RAP1GAP2: variants seen among roughly 807,000 people sequenced by gnomAD.
RAP1GAP2 encodes the protein RAP1 GTPase activating protein 2.
RAP1GAP2 carries 27 observed loss-of-function variants against 95.0 expected under a neutral mutation model. That is an observed-to-expected ratio of 0.28 (90% CI 0.21 to 0.39). RAP1GAP2 has a LOEUF of 0.39. RAP1GAP2 is among the 10% of genes least tolerant of loss of function. The pLI is 1.00. For synonymous variants in RAP1GAP2, 373 were observed against 380.9 expected, an observed-to-expected ratio of 0.98 and a Z score of 0.24; for missense variants, 771 against 970.0, an observed-to-expected ratio of 0.79 and a Z score of 2.72.
chr17:2,875,893 T>G (rs757170857), intron 2 of RAP1GAP2, among the ~76,000 whole-genome samples: 2 of 151,808 alleles, frequency 1.3e-5, no homozygotes, highest in Non-Finnish European at 2.9e-5. Context: ...TCATCCTTCC[T>G]GTAGCCTTCC....
intron 3 of RAP1GAP2, among the ~76,000 whole-genome samples, chr17:2,922,876 A>G (rs1446715410): frequency 1.5e-5 from 2 of 131,352 alleles, no homozygotes; most frequent in Non-Finnish European, 3.1e-5. Flanking sequence ...GATGTTGCCC[A>G]GGTTGGAGTG....
Position 2,928,138 on chromosome 17 carries a change from C to T in RAP1GAP2, c.165+22770C>T, listed in dbSNP as rs530279473. On this transcript the variant is annotated intron_variant, in intron 3 of 24. Coordinates refer to ENST00000254695, the MANE Select transcript of RAP1GAP2 (RefSeq NM_015085.5). The stretch of plus-strand genomic sequence containing the variant: ...AGGAAGAAAAAAGACTTATGTTAAG[C>T]TTTGCCCAGCTCTGATTTGGACTTG... Among the ~76,000 whole-genome samples the T allele has an allele frequency of 8.3e-4, 127 of 152,324 alleles. 1 individual carries two copies. Among genetic ancestry groups the T allele is most frequent in the Non-Finnish European group, 1.1e-3 (72 of 68,030 alleles).
Position 3,005,340 on chromosome 17 carries a change from G to T in RAP1GAP2, c.1201-29G>T. ...GGGCAGCGCTCGTCTCTTCCCTCCA[G>T]GTCCGTACCATGACTCTGTTTCACT... On this transcript the variant is annotated intron_variant, in intron 14 of 24. Transcript: ENST00000254695. The surrounding 1 kb of genome is among the most constrained non-coding windows in gnomAD (Gnocchi z 5.2). 1 of 1,606,272 alleles carries T rather than the reference G, an allele frequency of 6.2e-7. No individual in the cohort carries two copies. Among genetic ancestry groups the T allele is most frequent in the East Asian group, 2.2e-5 (1 of 44,808 alleles).
chr17:2,838,931 T>C (rs145191802), intron 2 of RAP1GAP2, among the ~76,000 whole-genome samples: 18 of 152,324 alleles, frequency 1.2e-4, no homozygotes, highest in Middle Eastern at 3.4e-3. Flanking sequence ...CGACAGTGTT[T>C]AGCAGACTGT....
At position 3,005,074 on chromosome 17, in the gene RAP1GAP2, C is replaced by T. The variant is rs28433610; in HGVS notation, c.1201-295C>T. ...GAATGAGGTCACGAGATGCCATCTC[C>T]CGGGCACTTGTATGGCATTAAAATT... is the stretch of plus-strand genomic sequence containing the variant. On this transcript the variant is annotated intron_variant, in intron 14 of 24. Transcript: ENST00000254695. The surrounding 1 kb of genome is among the most constrained non-coding windows in gnomAD (Gnocchi z 5.2). Among the ~76,000 whole-genome samples the T allele has an allele frequency of 2.2e-3, 337 of 152,220 alleles. 4 individuals carry two copies. The highest frequency in any genetic ancestry group is 7.7e-3 in the African/African-American group (318 of 41,522).
At position 2,963,594 on chromosome 17, in the gene RAP1GAP2, C is replaced by G; in HGVS notation, c.279+132C>G. On this transcript the variant is annotated intron_variant, in intron 6 of 24. Coordinates refer to ENST00000254695, the MANE Select transcript of RAP1GAP2 (RefSeq NM_015085.5). This position sits in a 1 kb window ranked among gnomAD's most constrained non-coding sequence, Gnocchi z 4.8. ...TTGGGCCTGGGACCTCTCTTCCTGT[C>G]TTTGCCTTTGTAACCTCAGCTTCTC... The G allele has an allele frequency of 1.6e-6, 2 of 1,239,346 alleles. No individual in the cohort carries two copies. Among genetic ancestry groups the G allele is most frequent in the Non-Finnish European group, 2.3e-6 (2 of 859,268 alleles). The allele number at this position is 1,239,346 out of a possible 1,614,324, so 76.8% of individuals were successfully genotyped here. A position where few individuals can be genotyped will look rare whatever the true frequency, so the allele number is the denominator to read the frequency against.
chr17:2,879,226 C>T (rs1478594280), intron 2 of RAP1GAP2, among the ~76,000 whole-genome samples: 1 of 151,866 alleles, frequency 6.6e-6, no homozygotes, highest in Non-Finnish European at 1.5e-5. Flanking sequence ...AGTGATTTTC[C>T]TGCCTCGGCC....
chr17:2,962,370 A>G (rs2044371876), intron 4 of RAP1GAP2: 1 of 406,048 alleles, frequency 2.5e-6, no homozygotes, highest in Non-Finnish European at 4.4e-6. Flanking sequence ...AGATGAGAAC[A>G]TTGAGTCACA....
In RAP1GAP2 at chr17:2,825,853, A is replaced by G. The variant is rs928496399; in HGVS notation, c.80+25303A>G. On this transcript the variant is annotated intron_variant, in intron 2 of 24. Transcript: ENST00000254695. This position sits in a 1 kb window ranked among gnomAD's most constrained non-coding sequence, Gnocchi z 4.1. ...ATCTGCAAAGCATGAGGCAGTGCCAATAGAGATATTCTTCCTGGTGGAATG... is the reference window on the plus strand; with the variant it reads ...ATCTGCAAAGCATGAGGCAGTGCCAGTAGAGATATTCTTCCTGGTGGAATG... Among the ~76,000 whole-genome samples, 2 of 152,120 alleles carry G rather than the reference A, an allele frequency of 1.3e-5. No homozygotes were observed. The highest frequency in any genetic ancestry group is 2.9e-5 in the Non-Finnish European group (2 of 68,024).
At chr17:2,884,106 G>C (rs1319319177) in intron 2 of RAP1GAP2, among the ~76,000 whole-genome samples, 1 of 152,154 alleles carries the variant, frequency 6.6e-6, no homozygotes, top group Non-Finnish European at 1.5e-5. Context: ...GGGATGCATG[G>C]GGCACAGGGT....
intron 2 of RAP1GAP2, among the ~76,000 whole-genome samples, chr17:2,813,979 A>G (rs2069889686): frequency 6.6e-6 from 1 of 152,048 alleles, no homozygotes; most frequent in South Asian, 2.1e-4. Context: ...AAGAAAAAAG[A>G]AAAGAAAAAA....
At chr17:2,890,174 A>C (rs550076667) in intron 2 of RAP1GAP2, among the ~76,000 whole-genome samples, 1 of 152,126 alleles carries the variant, frequency 6.6e-6, no homozygotes, top group East Asian at 1.9e-4. Context: ...TACCACGGTC[A>C]CAAGCAAGAA....
At chr17:2,808,498 A>G (rs1014288353) in intron 2 of RAP1GAP2, among the ~76,000 whole-genome samples, 3 of 152,182 alleles carry the variant, frequency 2.0e-5, no homozygotes, top group Non-Finnish European at 4.4e-5. Context: ...GGAAGGGGGC[A>G]GAGGAGAGAG....
chr17:2,962,665 T>C lies in RAP1GAP2; in HGVS notation c.202-5T>C. 4 of 1,587,250 alleles carry C rather than the reference T, an allele frequency of 2.5e-6. No homozygotes were observed. The highest frequency in any genetic ancestry group is 3.4e-6 in the Non-Finnish European group (4 of 1,167,636). The stretch of plus-strand genomic sequence containing the variant: ...CTGTGGATCCTGTTTTCCTTGTTTC[T>C]ATAGGGGATCAAGCTTGAAGAGCAG... On this transcript the variant is annotated splice_region_variant and splice_polypyrimidine_tract_variant and intron_variant, in intron 4 of 24. Transcript: ENST00000254695.
At position 3,026,140 on chromosome 17, in the gene RAP1GAP2, G is replaced by A. The variant is rs1305223173; in HGVS notation, c.1865+19G>A. On this transcript the variant is annotated intron_variant, in intron 20 of 24. Coordinates refer to ENST00000254695, the MANE Select transcript of RAP1GAP2 (RefSeq NM_015085.5). Reference sequence around the variant, plus strand: ...AGGAGAAGTAAGAGAGTGAGGGTGGGAAAGGCCAGCTTCGGCCACGTGGAG... The same window carrying A: ...AGGAGAAGTAAGAGAGTGAGGGTGGAAAAGGCCAGCTTCGGCCACGTGGAG... The A allele has an allele frequency of 6.3e-7, 1 of 1,584,928 alleles. No homozygotes were observed. The highest frequency in any genetic ancestry group is 1.1e-5 in the South Asian group (1 of 90,138).
intron 17 of RAP1GAP2, among the ~76,000 whole-genome samples, chr17:3,017,707 GCACAGGCTTGGCGAGCTCCAAGC>G (rs1269583602): frequency 2.0e-5 from 3 of 152,100 alleles, no homozygotes; most frequent in African/African-American, 7.2e-5. Flanking sequence ...GGTCAGTGTC[GCACAGGCTTGGCGAGCTCCAAGC>G]CTCATTTTCC....
intron 8 of RAP1GAP2, among the ~76,000 whole-genome samples, chr17:2,974,105 G>A (rs969537784): frequency 5.3e-5 from 8 of 151,862 alleles, no homozygotes; most frequent in Non-Finnish European, 1.2e-4. Flanking sequence ...ACCTTGGGAG[G>A]CCAAGGCGGG....
chr17:3,002,063 A>C (rs2046180068), intron 14 of RAP1GAP2, among the ~76,000 whole-genome samples: 1 of 151,580 alleles, frequency 6.6e-6, no homozygotes, highest in South Asian at 2.1e-4. Flanking sequence ...CCCGGGTTCA[A>C]GCAATTCTCC....
At position 2,871,100 on chromosome 17, in the gene RAP1GAP2, C is replaced by T. The variant is rs2072826046; in HGVS notation, c.81-34184C>T. On this transcript the variant is annotated intron_variant, in intron 2 of 24. Coordinates refer to ENST00000254695, the MANE Select transcript of RAP1GAP2 (RefSeq NM_015085.5). The surrounding 1 kb of genome is among the most constrained non-coding windows in gnomAD (Gnocchi z 5.0). ...CTTCCCAAGTAGCTGGAATTCCAGG[C>T]ATGCGCCGCCACACCTGGCTAATTT... Among the ~76,000 whole-genome samples the T allele has an allele frequency of 6.6e-6, 1 of 152,176 alleles. No individual in the cohort carries two copies. Among genetic ancestry groups the T allele is most frequent in the Admixed American group, 6.5e-5 (1 of 15,270 alleles).
Sources: gnomAD v4.1 joint callset for allele counts (sites outside exome capture counted in the v4.1 genomes callset) on GRCh38, gnomAD v4.1.1 for gene constraint, Gnocchi (gnomAD v3.1) non-coding constraint, MANE v1.5 for transcripts, NCBI Gene and HGNC (gene_info 2026-07-23, HGNC 2026-07-21) for gene names.